SEMA3A: variants seen among roughly 807,000 people sequenced by gnomAD.
The protein encoded by SEMA3A is semaphorin-3A.
In SEMA3A, 29 loss-of-function variants were observed where a neutral mutation model predicts 97.9. The observed-to-expected ratio is 0.30, with a 90% CI of 0.22 to 0.40. SEMA3A has a LOEUF of 0.40. SEMA3A is among the 10% of genes least tolerant of loss of function. The pLI is 1.00. For synonymous variants in SEMA3A, 321 were observed against 323.7 expected (o/e 0.99, Z 0.09); for missense variants, 763 against 951.3 (o/e 0.80, Z 2.60).
intron 3 of SEMA3A, among the ~76,000 whole-genome samples, chr7:84,237,277 T>C (rs745795174): frequency 2.0e-5 from 3 of 152,144 alleles, no homozygotes; most frequent in South Asian, 4.1e-4. Context: ...GTCTAACTTA[T>C]CAAATTTAAG....
chr7:84,199,605 A>T (rs1798308290), upstream of SEMA3A, among the ~76,000 whole-genome samples: 1 of 151,894 alleles, frequency 6.6e-6, no homozygotes, highest in Non-Finnish European at 1.5e-5. Flanking sequence ...TTAGTATTTG[A>T]GAAAGGCTTA....
intron 6 of SEMA3A, among the ~76,000 whole-genome samples, chr7:84,033,631 G>A (rs369910016): frequency 6.6e-6 from 1 of 152,032 alleles, no homozygotes; most frequent in Non-Finnish European, 1.5e-5. Context: ...GCTAAAAGTA[G>A]GGATATAAAA....
At chr7:84,003,508 C>T (rs1210606066) in intron 11 of SEMA3A, among the ~76,000 whole-genome samples, 1 of 152,140 alleles carries the variant, frequency 6.6e-6, no homozygotes, top group Non-Finnish European at 1.5e-5. Flanking sequence ...TTGGTCTGTA[C>T]TGACCAATAG....
At chr7:84,398,605 CT>C (rs140961647) in intron 1 of SEMA3A, among the ~76,000 whole-genome samples, 2 of 151,310 alleles carry the variant, frequency 1.3e-5, no homozygotes, top group Admixed American at 6.6e-5. Context: ...AATTTTTTTT[CT>C]TTTTTTTGCA....
At chr7:84,466,579 T>C (rs145404313) in intron 1 of SEMA3A, among the ~76,000 whole-genome samples, 1 of 152,228 alleles carries the variant, frequency 6.6e-6, no homozygotes, top group Non-Finnish European at 1.5e-5. Context: ...AAGTAAGAGA[T>C]AGTTCTATGA....
At chr7:84,143,295 A>G (rs1796353787) in intron 1 of SEMA3A, among the ~76,000 whole-genome samples, 2 of 152,220 alleles carry the variant, frequency 1.3e-5, no homozygotes, top group South Asian at 4.1e-4. Flanking sequence ...GATGAAAAGT[A>G]TAAGAGGAAA....
intron 3 of SEMA3A, among the ~76,000 whole-genome samples, chr7:84,262,104 T>C (rs1477456225): frequency 6.6e-6 from 1 of 152,212 alleles, no homozygotes; most frequent in Non-Finnish European, 1.5e-5. Flanking sequence ...GACACTTTTT[T>C]TTTTTTATCA....
chr7:84,213,882 A>G (rs1300989111), intron 3 of SEMA3A, among the ~76,000 whole-genome samples: 2 of 152,352 alleles, frequency 1.3e-5, no homozygotes, highest in Non-Finnish European at 2.9e-5. Context: ...CCCCAGCACT[A>G]TCATGGAAAT....
At chr7:83,988,098 G>A (rs551823274) in intron 12 of SEMA3A, among the ~76,000 whole-genome samples, 13 of 152,120 alleles carry the variant, frequency 8.5e-5, no homozygotes, top group South Asian at 8.3e-4. Context: ...CCTTAATGAC[G>A]TTTATCACAG....
chr7:84,159,078 A>G (rs1441685522), intron 1 of SEMA3A, among the ~76,000 whole-genome samples: 1 of 151,946 alleles, frequency 6.6e-6, no homozygotes, highest in East Asian at 1.9e-4. Flanking sequence ...TCATGACTTC[A>G]CATTATCATT....
intron 1 of SEMA3A, among the ~76,000 whole-genome samples, chr7:84,175,095 A>T (rs1797520462): frequency 6.6e-6 from 1 of 152,120 alleles, no homozygotes; most frequent in African/African-American, 2.4e-5. Context: ...CAGACCAGTG[A>T]TTAAAAGTAA....
At chr7:84,054,252 G>A (rs1208735156) in intron 5 of SEMA3A, among the ~76,000 whole-genome samples, 4 of 151,940 alleles carry the variant, frequency 2.6e-5, no homozygotes, top group African/African-American at 4.9e-5. Context: ...GAATCTGAAC[G>A]TTGGCTTGCC....
At chr7:84,277,472 G>T (rs537358) in intron 3 of SEMA3A, among the ~76,000 whole-genome samples, 107,738 of 151,948 alleles carry the variant, frequency 0.71, 38,405 homozygotes, top group East Asian at 0.79. Flanking sequence ...TACTTTCGAC[G>T]GAAAGAAATC....
chr7:84,093,857 A>G (rs1583955751), intron 4 of SEMA3A, among the ~76,000 whole-genome samples: 1 of 151,916 alleles, frequency 6.6e-6, no homozygotes. Flanking sequence ...TACTTAGGTG[A>G]TAAGTGCAGC....
chr7:84,230,254 G>A (rs1403688930), intron 3 of SEMA3A, among the ~76,000 whole-genome samples: 1 of 151,562 alleles, frequency 6.6e-6, no homozygotes, highest in African/African-American at 2.4e-5. Flanking sequence ...TTTTATCCCT[G>A]CTCTTTTTTC....
Position 83,959,396 on chromosome 7 carries a change from A to G in SEMA3A, c.*1975T>C, listed in dbSNP as rs147114642. 2.8e-3 allele frequency: 430 copies of G among 152,192 alleles called. 1 individual carries two copies. The highest frequency in any genetic ancestry group is 9.9e-3 in the African/African-American group (411 of 41,586). 9.4% of individuals were successfully genotyped at this position (152,192 alleles called of 1,614,324 possible). On this transcript the variant is annotated 3_prime_UTR_variant, in exon 17 of 17. Coordinates refer to ENST00000265362, the MANE Select transcript of SEMA3A (RefSeq NM_006080.3). ...TTGTTCTTCGATTTATATTTGAAAC[A>G]CTACTTTCTGTACAGTGGTGTGTCC...
intron 1 of SEMA3A, among the ~76,000 whole-genome samples, chr7:84,440,016 A>G (rs900414626): frequency 5.3e-5 from 8 of 152,204 alleles, no homozygotes; most frequent in Non-Finnish European, 1.0e-4. Context: ...AAGTAAACAA[A>G]TATGCATGAC....
At chr7:84,007,683 T>C (rs779084516) in intron 9 of SEMA3A, among the ~76,000 whole-genome samples, 186 bp from the exon 10 acceptor site, 1 of 152,308 alleles carries the variant, frequency 6.6e-6, no homozygotes, top group South Asian at 2.1e-4. Flanking sequence ...AACAAAAAAT[T>C]GTGATTTCTT....
At chr7:84,434,677 T>A (rs1805078831) in intron 1 of SEMA3A, among the ~76,000 whole-genome samples, 1 of 152,204 alleles carries the variant, frequency 6.6e-6, no homozygotes, top group Admixed American at 6.5e-5. Context: ...CAAGTAGGTT[T>A]CATTCCTGGG....
Sources: gnomAD v4.1 joint callset for allele counts (sites outside exome capture counted in the v4.1 genomes callset) on GRCh38, gnomAD v4.1.1 for gene constraint, MANE v1.5 for transcripts, NCBI Gene and HGNC (gene_info 2026-07-23, HGNC 2026-07-21) for gene names.